LDHC: variants seen among roughly 807,000 people sequenced by gnomAD.
LDHC encodes the protein L-lactate dehydrogenase C chain.
LDHC carries 20 observed loss-of-function variants against 30.2 expected under a neutral mutation model. That is an observed-to-expected ratio of 0.66 (90% CI 0.47 to 0.96). LDHC has a LOEUF of 0.96. LDHC is among the 40% of genes least tolerant of loss of function. The pLI, the probability that LDHC is intolerant of heterozygous loss-of-function variation, is 0.00. For synonymous variants in LDHC, 139 were observed against 132.7 expected, an observed-to-expected ratio of 1.05 and a Z score of -0.32; for missense variants, 362 against 394.9, an observed-to-expected ratio of 0.92 and a Z score of 0.71.
intron 7 of LDHC, among the ~76,000 whole-genome samples, chr11:18,447,830 A>C (rs1848580734): frequency 6.6e-6 from 1 of 152,112 alleles, no homozygotes; most frequent in Non-Finnish European, 1.5e-5. Flanking sequence ...CCGGTGGATC[A>C]CTTGACGTCA....
chr11:18,423,639 TC>T (rs1848106271), intron 3 of LDHC, among the ~76,000 whole-genome samples: 1 of 152,064 alleles, frequency 6.6e-6, no homozygotes, highest in African/African-American at 2.4e-5. Context: ...ACGTAGAATA[TC>T]CTTATGACCT....
At chr11:18,428,700 C>T (rs1281831212) in intron 3 of LDHC, among the ~76,000 whole-genome samples, 5 of 151,776 alleles carry the variant, frequency 3.3e-5, no homozygotes, top group Admixed American at 6.6e-5. Context: ...CATGGTGAAA[C>T]CCCGTCTCTA....
intron 3 of LDHC, among the ~76,000 whole-genome samples, chr11:18,418,157 G>T (rs1867056394): frequency 6.6e-6 from 1 of 151,200 alleles, no homozygotes; most frequent in Non-Finnish European, 1.5e-5. Flanking sequence ...GTTGAATGTG[G>T]TGTTTACCTT....
At chr11:18,416,100 T>C (rs1445141650) in intron 3 of LDHC, among the ~76,000 whole-genome samples, 1 of 152,238 alleles carries the variant, frequency 6.6e-6, no homozygotes, top group East Asian at 1.9e-4. Context: ...TCTCTTCTAT[T>C]AATGACTTTA....
chr11:18,414,718 C>T (rs1866974501), intron 2 of LDHC, among the ~76,000 whole-genome samples: 2 of 152,096 alleles, frequency 1.3e-5, no homozygotes, highest in South Asian at 4.1e-4. Context: ...ATCCCAGCTA[C>T]TCGGGAGGCT....
rs758939071 is a variant in LDHC, at chr11:18,415,226, A to G, written c.169A>G (p.Lys57Glu). 3.4e-5 allele frequency: 55 copies of G among 1,611,388 alleles called. No homozygotes were observed. Among genetic ancestry groups the G allele is most frequent in the Non-Finnish European group, 4.7e-5 (55 of 1,178,042 alleles). Residue 57 changes from lysine (K) to glutamate (E), a missense_variant, in exon 3 of 8, where the codon AAA becomes GAA. Physicochemically the swap from Lys to Glu is moderately conservative, Grantham distance 56. Transcript: ENST00000541669. ...ELALVDVALDKLKGEMMDLQH... is the reference protein window; with the variant it reads ...ELALVDVALDELKGEMMDLQH... ...TGCCCTTGTTGATGTTGCATTGGAC[A>G]AACTGAAGGGAGAAATGATGGATCT...
intron 5 of LDHC, among the ~76,000 whole-genome samples, chr11:18,438,084 T>C (rs1016453561): frequency 2.0e-5 from 3 of 151,232 alleles, no homozygotes; most frequent in Non-Finnish European, 4.4e-5. Context: ...TGAGGCTGAG[T>C]AATTTATAAA....
intron 6 of LDHC, among the ~76,000 whole-genome samples, chr11:18,443,361 C>G (rs1419920851): frequency 1.3e-5 from 2 of 152,154 alleles, no homozygotes; most frequent in Non-Finnish European, 2.9e-5. Flanking sequence ...ATGGAGCAGC[C>G]CATCTACCTC....
chr11:18,417,478 C>T (rs148019991), intron 3 of LDHC, among the ~76,000 whole-genome samples: 235 of 152,280 alleles, frequency 1.5e-3, no homozygotes, highest in Non-Finnish European at 2.8e-3. Context: ...ACTGCAGCCT[C>T]GAATTCCCAG....
intron 6 of LDHC, among the ~76,000 whole-genome samples, chr11:18,439,958 A>G (rs113566181): frequency 0.14 from 20,368 of 148,696 alleles, 1,455 homozygotes; most frequent in Middle Eastern, 0.21. Flanking sequence ...TGCCAGTGCA[A>G]TCCAGCCTGG....
At chr11:18,429,674 G>A (rs112136795) in intron 3 of LDHC, 63 bp from the exon 4 acceptor site, 4 of 904,448 alleles carry the variant, frequency 4.4e-6, no homozygotes, top group African/African-American at 1.7e-5. Flanking sequence ...AGAGTTTTAA[G>A]GAGTTAAGGC....
chr11:18,417,994 C>T (rs1000143442), intron 3 of LDHC, among the ~76,000 whole-genome samples: 7 of 151,758 alleles, frequency 4.6e-5, no homozygotes, highest in African/African-American at 1.7e-4. Flanking sequence ...TCACTGCACT[C>T]CAGCCTGGGC....
chr11:18,416,864 C>A (rs888846376), intron 3 of LDHC, among the ~76,000 whole-genome samples: 3 of 151,700 alleles, frequency 2.0e-5, no homozygotes, highest in African/African-American at 7.3e-5. Flanking sequence ...TCCATGTTGC[C>A]CAGATTGGAG....
chr11:18,416,316 A>G (rs1263788511), intron 3 of LDHC, among the ~76,000 whole-genome samples: 1 of 152,234 alleles, frequency 6.6e-6, no homozygotes, highest in African/African-American at 2.4e-5. Context: ...GCCATAGAAC[A>G]TAAGAAATTT....
At chr11:18,447,047 G>A (rs138374953) in intron 7 of LDHC, among the ~76,000 whole-genome samples, 92 of 152,306 alleles carry the variant, frequency 6.0e-4, no homozygotes, top group African/African-American at 2.0e-3. Flanking sequence ...CCTAAAAGGA[G>A]GAGGGGCAGG....
At chr11:18,413,459 CTTTTTTTT>C (rs34176196) in intron 2 of LDHC, among the ~76,000 whole-genome samples, 4 of 77,086 alleles carry the variant, frequency 5.2e-5, no homozygotes, top group African/African-American at 1.0e-4. Flanking sequence ...ATTGTTCTCT[CTTTTTTTT>C]TTTTTTTTTT....
In LDHC at chr11:18,451,247, C is replaced by G. The variant is rs947586546; in HGVS notation, c.*120C>G. On this transcript the variant is annotated 3_prime_UTR_variant, in exon 8 of 8. Transcript: ENST00000541669. ...ATAAAAACAAATTGGAGACCTGTGA[C>G]ATAACTCTAGTCTCTCAAGATTAGA... The G allele has an allele frequency of 1.1e-4, 64 of 608,706 alleles. 3 individuals are homozygous for G. The Admixed American group carries it at 2.7e-3, about 25-fold the overall frequency. 37.7% of individuals were successfully genotyped at this position (608,706 alleles called of 1,614,324 possible). A position where few individuals can be genotyped will look rare whatever the true frequency, so the allele number is the denominator to read the frequency against.
chr11:18,438,554 G>T lies in LDHC; in HGVS notation c.619G>T (p.Ala207Ser), dbSNP rs765321986. 114 of 1,611,950 alleles carry T rather than the reference G, an allele frequency of 7.1e-5. No homozygotes were observed. The highest frequency in any genetic ancestry group is 1.7e-6 in the Non-Finnish European group (2 of 1,178,212). ...GCCCTTATGGAGTGGGGTGAATGTT[G>T]CTGGTGTTGCTCTGAAGACTCTGGA... Reference protein sequence around the residue: ...SVPLWSGVNVAGVALKTLDPK... With the variant: ...SVPLWSGVNVSGVALKTLDPK... Residue 207 changes from alanine (A) to serine (S), a missense_variant, in exon 6 of 8, where the codon GCT becomes TCT. Transcript: ENST00000541669.
chr11:18,433,125 C>T (rs1165849133), intron 4 of LDHC, among the ~76,000 whole-genome samples: 1 of 152,122 alleles, frequency 6.6e-6, no homozygotes, highest in Non-Finnish European at 1.5e-5. Context: ...GTGGCTCACA[C>T]CTGTAATCCC....
Sources: allele counts gnomAD v4.1 joint callset (sites outside exome capture counted in the v4.1 genomes callset), GRCh38; gene constraint gnomAD v4.1.1; transcripts MANE v1.5; gene names NCBI Gene and HGNC (gene_info 2026-07-23, HGNC 2026-07-21).